CSMD3: variants seen among roughly 807,000 people sequenced by gnomAD.
The protein encoded by CSMD3 is CUB and Sushi multiple domains 3, also known as CUB and sushi domain-containing protein 3.
In CSMD3, 177 loss-of-function variants were observed where a neutral mutation model predicts 435.2. The ratio of observed to expected loss-of-function variants is 0.41; its 90% CI spans 0.36 to 0.46. The LOEUF is 0.46. Among genes scored for constraint, CSMD3 ranks in the 20% least tolerant of loss-of-function variants. The pLI, the probability that CSMD3 is intolerant of heterozygous loss-of-function variation, is 0.34. For missense variants in CSMD3, 4,265 were observed against 4,504.6 expected, an observed-to-expected ratio of 0.95 and a Z score of 1.52; for synonymous variants, 1,656 against 1,520.5, an observed-to-expected ratio of 1.09 and a Z score of -2.07.
At chr8:112,586,026 A>T (rs1830694803) in intron 23 of CSMD3, among the ~76,000 whole-genome samples, 1 of 151,630 alleles carries the variant, frequency 6.6e-6, no homozygotes, top group Non-Finnish European at 1.5e-5. Flanking sequence ...TCCTAGATTA[A>T]TGTTGAAATT....
At chr8:112,986,898 A>T (rs1301062093) in intron 6 of CSMD3, among the ~76,000 whole-genome samples, 1 of 152,062 alleles carries the variant, frequency 6.6e-6, no homozygotes, top group Non-Finnish European at 1.5e-5. Context: ...CAATGTTCTC[A>T]ATAGATAGAT....
intron 32 of CSMD3, among the ~76,000 whole-genome samples, chr8:112,423,997 T>C (rs142638430): frequency 3.9e-5 from 6 of 152,336 alleles, no homozygotes; most frequent in Admixed American, 3.9e-4. Flanking sequence ...CAAAGTTTCA[T>C]ACTTATACAC....
chr8:113,072,733 C>T (rs2089179051), intron 5 of CSMD3, among the ~76,000 whole-genome samples: 1 of 151,758 alleles, frequency 6.6e-6, no homozygotes, highest in Non-Finnish European at 1.5e-5. Flanking sequence ...TCAAGACATG[C>T]CCAGTTTCTC....
intron 5 of CSMD3, among the ~76,000 whole-genome samples, chr8:113,071,031 T>C (rs2089090410): frequency 2.0e-5 from 3 of 152,028 alleles, no homozygotes; most frequent in Non-Finnish European, 2.9e-5. Context: ...TGAGGTCATA[T>C]CTTATTGTGG....
At chr8:113,063,070 G>GA (rs543188559) in intron 5 of CSMD3, among the ~76,000 whole-genome samples, 30 of 143,202 alleles carry the variant, frequency 2.1e-4, no homozygotes, top group African/African-American at 5.1e-4. Context: ...TTTCCAGAAA[G>GA]AAAAAAAAAA....
chr8:112,354,455 G>C (rs1826406992), intron 38 of CSMD3, among the ~76,000 whole-genome samples: 12 of 152,102 alleles, frequency 7.9e-5, no homozygotes, highest in Admixed American at 7.9e-4. Context: ...AGACCATAAA[G>C]AATCTGCCAA....
At chr8:112,849,875 G>A (rs1217141475) in intron 11 of CSMD3, among the ~76,000 whole-genome samples, 1 of 151,992 alleles carries the variant, frequency 6.6e-6, no homozygotes, top group Non-Finnish European at 1.5e-5. Flanking sequence ...GGAAACTTTG[G>A]GTTCTAGGTA....
chr8:113,051,494 A>G (rs2131328118), intron 5 of CSMD3, among the ~76,000 whole-genome samples: 1 of 152,282 alleles, frequency 6.6e-6, no homozygotes, highest in South Asian at 2.1e-4. Context: ...CTCTATTTGC[A>G]AATTTCTAAA....
At chr8:112,681,113 C>A (rs1396860990) in intron 16 of CSMD3, among the ~76,000 whole-genome samples, 2 of 151,420 alleles carry the variant, frequency 1.3e-5, no homozygotes, top group African/African-American at 2.4e-5. Flanking sequence ...CAGCTCACTG[C>A]AACCTCTGCC....
intron 30 of CSMD3, among the ~76,000 whole-genome samples, chr8:112,499,095 G>A (rs1024931681): frequency 2.6e-5 from 4 of 151,942 alleles, no homozygotes; most frequent in African/African-American, 7.2e-5. Flanking sequence ...CACATGGTAA[G>A]TAAACTTAAA....
intron 5 of CSMD3, among the ~76,000 whole-genome samples, chr8:113,078,579 T>A (rs376763459): frequency 2.6e-5 from 4 of 152,324 alleles, no homozygotes; most frequent in African/African-American, 9.6e-5. Context: ...CTTATCTTAG[T>A]CATTTTGCTC....
intron 10 of CSMD3, among the ~76,000 whole-genome samples, chr8:112,897,101 C>T (rs111649412): frequency 1.3e-5 from 2 of 151,424 alleles, no homozygotes; most frequent in Non-Finnish European, 3.0e-5. Context: ...ATTGTTTGAT[C>T]AGATAAATCT....
intron 2 of CSMD3, among the ~76,000 whole-genome samples, chr8:113,293,994 T>C (rs1039896302): frequency 1.3e-5 from 2 of 152,110 alleles, no homozygotes; most frequent in Admixed American, 6.6e-5. Flanking sequence ...TCTATCTCCA[T>C]TGAAACCGGA....
At chr8:112,396,620 T>C (rs921059866) in intron 35 of CSMD3, among the ~76,000 whole-genome samples, 1 of 152,150 alleles carries the variant, frequency 6.6e-6, no homozygotes, top group Non-Finnish European at 1.5e-5. Context: ...TCTACAAATA[T>C]TCAGGAAATT....
intron 45 of CSMD3, among the ~76,000 whole-genome samples, chr8:112,326,042 CAT>C (rs1823480986): frequency 6.6e-6 from 1 of 152,082 alleles, no homozygotes; most frequent in African/African-American, 2.4e-5. Context: ...AAATAAATAA[CAT>C]AAATATTAAT....
chr8:113,214,543 A>G (rs2092878682), intron 3 of CSMD3, among the ~76,000 whole-genome samples: 1 of 151,928 alleles, frequency 6.6e-6, no homozygotes, highest in Non-Finnish European at 1.5e-5. Flanking sequence ...TCTGTCTTCC[A>G]ATCAAGAAAA....
intron 1 of CSMD3, among the ~76,000 whole-genome samples, chr8:113,346,158 C>A (rs2094149800): frequency 6.6e-6 from 1 of 151,944 alleles, no homozygotes; most frequent in Admixed American, 6.6e-5. Flanking sequence ...TAGAGATAGA[C>A]CATGGGAGAG....
At chr8:112,524,742 A>G (rs1332212907) in intron 27 of CSMD3, among the ~76,000 whole-genome samples, 3 of 152,026 alleles carry the variant, frequency 2.0e-5, no homozygotes, top group Non-Finnish European at 2.9e-5. Context: ...TGTATGTCTC[A>G]CAATAGTTAT....
At chr8:113,314,441 T>G (rs1480563785) in intron 2 of CSMD3, 130 bp downstream of exon 2, 2 of 673,372 alleles carry the variant, frequency 3.0e-6, no homozygotes, top group African/African-American at 3.6e-5. Flanking sequence ...TATTTTCAAA[T>G]AAATAATAAT....
Sources: gnomAD v4.1 joint callset for allele counts (sites outside exome capture counted in the v4.1 genomes callset) on GRCh38, gnomAD v4.1.1 for gene constraint, MANE v1.5 for transcripts, NCBI Gene and HGNC (gene_info 2026-07-23, HGNC 2026-07-21) for gene names.